The following WWP2 variants were observed in gnomAD, a reference collection of about 807,000 sequenced individuals.
WWP2 encodes WW domain containing E3 ubiquitin protein ligase 2, also known as NEDD4-like E3 ubiquitin-protein ligase WWP2.
Under a neutral mutation model 121.0 loss-of-function variants are expected in WWP2, and 57 were observed. The ratio of observed to expected loss-of-function variants is 0.47; its 90% CI spans 0.38 to 0.59. The LOEUF is 0.59. Ranked by LOEUF, WWP2 falls within the 20% of genes least tolerant of loss-of-function variation. The pLI, the probability that WWP2 is intolerant of heterozygous loss-of-function variation, is 0.00. For synonymous variants in WWP2, 449 were observed against 441.3 expected (o/e 1.02, Z -0.22); for missense variants, 962 against 1,158.9 (o/e 0.83, Z 2.47).
intron 6 of WWP2, among the ~76,000 whole-genome samples, chr16:69,869,251 T>C (rs573045249): frequency 3.4e-4 from 51 of 152,224 alleles, no homozygotes; most frequent in African/African-American, 9.4e-4. Flanking sequence ...AGAGTCCACA[T>C]TGAGTATTTC....
chr16:69,846,670 G>A (rs148531185), intron 6 of WWP2, among the ~76,000 whole-genome samples: 24 of 151,718 alleles, frequency 1.6e-4, no homozygotes, highest in African/African-American at 4.8e-4. Context: ...GCAGTGAGCC[G>A]AGATTGCGCC....
intron 7 of WWP2, among the ~76,000 whole-genome samples, chr16:69,877,927 C>T (rs977077176): frequency 2.0e-5 from 3 of 152,032 alleles, no homozygotes; most frequent in Admixed American, 1.3e-4. Context: ...CCTGCCTCAG[C>T]CCCCCCAGTA....
intron 2 of WWP2, among the ~76,000 whole-genome samples, chr16:69,787,461 T>C (rs1452262062): frequency 6.6e-6 from 1 of 152,124 alleles, no homozygotes; most frequent in African/African-American, 2.4e-5. Flanking sequence ...TAGTGGTGCA[T>C]GCTAGCTGGT....
rs80121670 is a variant in WWP2 at position 69,796,033 on chromosome 16, C to T, written c.71-2649C>T. Reference sequence around the variant, plus strand: ...TTTTTTTTCTTTCTTTTTTTTTTTGCGATGATGGGCATCGATAGGACAATT... The same window carrying T: ...TTTTTTTTCTTTCTTTTTTTTTTTGTGATGATGGGCATCGATAGGACAATT... On this transcript the variant is annotated intron_variant, in intron 2 of 23. Transcript: ENST00000359154. 5.4e-5 allele frequency among the ~76,000 whole-genome samples: 8 copies of T among 147,740 alleles called. No homozygotes were observed. In the East Asian group the frequency reaches 5.9e-4, roughly 11 times the overall value.
At chr16:69,764,135 G>T (rs1233702735) in intron 1 of WWP2, among the ~76,000 whole-genome samples, 1 of 152,160 alleles carries the variant, frequency 6.6e-6, no homozygotes, top group Non-Finnish European at 1.5e-5. Flanking sequence ...AATGAGTAGG[G>T]ACTCAAGCCC....
intron 7 of WWP2, among the ~76,000 whole-genome samples, chr16:69,882,135 T>C (rs1001888905): frequency 2.0e-5 from 3 of 151,848 alleles, no homozygotes; most frequent in East Asian, 1.9e-4. Flanking sequence ...TTTGTATTTT[T>C]AGTAGAGACG....
chr16:69,789,812 T>TA (rs2055870954), intron 2 of WWP2, among the ~76,000 whole-genome samples: 1 of 152,196 alleles, frequency 6.6e-6, no homozygotes, highest in East Asian at 1.9e-4. Context: ...CTTCTTTACT[T>TA]ACGCATTTGA....
chr16:69,788,872 G>A (rs938902464), intron 2 of WWP2, among the ~76,000 whole-genome samples: 3 of 151,990 alleles, frequency 2.0e-5, no homozygotes, highest in African/African-American at 7.3e-5. Context: ...ATATTGCTTC[G>A]GGTTCCATAG....
At chr16:69,854,829 G>A (rs1371856903) in intron 6 of WWP2, among the ~76,000 whole-genome samples, 1 of 152,160 alleles carries the variant, frequency 6.6e-6, no homozygotes, top group Non-Finnish European at 1.5e-5. Flanking sequence ...GGGATTACAA[G>A]TGTGGGCCAC....
chr16:69,864,851 A>G (rs1036520499), intron 6 of WWP2, among the ~76,000 whole-genome samples: 3 of 152,120 alleles, frequency 2.0e-5, no homozygotes, highest in East Asian at 1.9e-4. Context: ...ACTTGAAGCA[A>G]TCCGCCTGCC....
chr16:69,905,361 AC>A, intron 8 of WWP2, among the ~76,000 whole-genome samples: 1 of 152,148 alleles, frequency 6.6e-6, no homozygotes, highest in Middle Eastern at 3.2e-3. Flanking sequence ...CAAAATGTGT[AC>A]CTTCTTCCAG....
At chr16:69,913,585 A>G (rs893686116) in intron 9 of WWP2, among the ~76,000 whole-genome samples, 1 of 152,132 alleles carries the variant, frequency 6.6e-6, no homozygotes. Flanking sequence ...GGTGAAAACA[A>G]TATAGGAAGC....
At chr16:69,863,916 T>G (rs142788825) in intron 6 of WWP2, among the ~76,000 whole-genome samples, 1 of 152,352 alleles carries the variant, frequency 6.6e-6, no homozygotes, top group East Asian at 1.9e-4. Context: ...TGCATTGAGT[T>G]TATTCCACTA....
At chr16:69,898,888 G>C (rs1354691933) in intron 8 of WWP2, among the ~76,000 whole-genome samples, 1 of 152,040 alleles carries the variant, frequency 6.6e-6, no homozygotes, top group East Asian at 1.9e-4. Flanking sequence ...GTATTTAGTA[G>C]AGACGGGAAT....
Position 69,819,052 on chromosome 16 carries a change from C to A in WWP2, c.340+19757C>A, listed in dbSNP as rs147799676. Among the ~76,000 whole-genome samples, 738 of 152,266 alleles carry A rather than the reference C, an allele frequency of 4.8e-3. 22 individuals are homozygous for A. Among genetic ancestry groups the A allele is most frequent in the Non-Finnish European group, 9.0e-4 (61 of 68,012 alleles). On this transcript the variant is annotated intron_variant, in intron 4 of 23. Coordinates refer to ENST00000359154, the MANE Select transcript of WWP2 (RefSeq NM_001270454.2). Reference sequence around the variant, plus strand: ...CTGTGTCACTCAGGCTAAAATCCTCCGTGCCTTCCTTGACTTCATTTTCTG... The same window carrying A: ...CTGTGTCACTCAGGCTAAAATCCTCAGTGCCTTCCTTGACTTCATTTTCTG...
chr16:69,866,085 A>C (rs2057516249), intron 6 of WWP2, among the ~76,000 whole-genome samples: 1 of 152,036 alleles, frequency 6.6e-6, no homozygotes, highest in Non-Finnish European at 1.5e-5. Context: ...AAGGTTTTTA[A>C]GGTTTCTCTG....
rs143613565 is a variant in WWP2, at chr16:69,852,851, A to G, written c.575+10731A>G. Among the ~76,000 whole-genome samples the G allele has an allele frequency of 3.0e-4, 45 of 152,218 alleles. 1 individual carries two copies. Among genetic ancestry groups the G allele is most frequent in the Admixed American group, 2.9e-3 (44 of 15,286 alleles). On this transcript the variant is annotated intron_variant, in intron 6 of 23. Transcript: ENST00000359154. ...TATATGGCCATACTCATTTATTTTC[A>G]TATTGTCTGTGGCTACTTTCATGCT...
intron 4 of WWP2, among the ~76,000 whole-genome samples, chr16:69,807,250 A>G (rs2151825575): frequency 6.6e-6 from 1 of 152,044 alleles, no homozygotes; most frequent in South Asian, 2.1e-4. Context: ...GGCTGGGCTA[A>G]TCTTGAACTC....
intron 8 of WWP2, among the ~76,000 whole-genome samples, chr16:69,899,340 A>T (rs1414934506): frequency 2.6e-5 from 4 of 151,976 alleles, no homozygotes; most frequent in African/African-American, 9.7e-5. Flanking sequence ...TGAGATACCC[A>T]TCTCAGCAAC....
Sources: gnomAD v4.1 joint callset for allele counts (sites outside exome capture counted in the v4.1 genomes callset) on GRCh38, gnomAD v4.1.1 for gene constraint, MANE v1.5 for transcripts, NCBI Gene and HGNC (gene_info 2026-07-23, HGNC 2026-07-21) for gene names.